Variants in ME3 observed in about 807,000 individuals in gnomAD.
The protein encoded by ME3 is NADP-dependent malic enzyme, mitochondrial.
Under a neutral mutation model 68.9 loss-of-function variants are expected in ME3, and 48 were observed. That is an observed-to-expected ratio of 0.70 (90% CI 0.55 to 0.89). The LOEUF is 0.89. Among genes scored for constraint, ME3 ranks in the 40% least tolerant of loss-of-function variants. The probability of loss-of-function intolerance (pLI) is 0.00; values close to 1 mark genes in which losing one functional copy is unlikely to be tolerated. For synonymous variants in ME3, 320 were observed against 318.8 expected (o/e 1.00, Z -0.04); for missense variants, 675 against 797.4 (o/e 0.85, Z 1.85).
chr11:86,493,109 A>G (rs1018819890), intron 6 of ME3, among the ~76,000 whole-genome samples: 3 of 152,174 alleles, frequency 2.0e-5, no homozygotes, highest in African/African-American at 7.2e-5. Flanking sequence ...CCACATGGTG[A>G]ATGCTGAATA....
chr11:86,529,016 C>T (rs1247488478), intron 4 of ME3, among the ~76,000 whole-genome samples: 2 of 152,008 alleles, frequency 1.3e-5, no homozygotes, highest in African/African-American at 2.4e-5. Flanking sequence ...CAGAGCTGAA[C>T]TGAAGGAGAG....
intron 4 of ME3, among the ~76,000 whole-genome samples, chr11:86,534,989 T>G (rs1955548941): frequency 6.6e-6 from 1 of 152,172 alleles, no homozygotes. Context: ...TGGAGTCTAA[T>G]TTTTCATAAG....
chr11:86,654,235 A>C (rs1306689897), intron 2 of ME3, among the ~76,000 whole-genome samples: 2 of 152,246 alleles, frequency 1.3e-5, no homozygotes, highest in Non-Finnish European at 2.9e-5. Context: ...AATCCTCCCT[A>C]ACTCATTTTA....
At chr11:86,630,359 T>TG (rs1250277442) in intron 2 of ME3, among the ~76,000 whole-genome samples, 5 of 152,144 alleles carry the variant, frequency 3.3e-5, no homozygotes, top group Admixed American at 2.6e-4. Context: ...GTGACATATC[T>TG]GGGGGCCTGA....
At chr11:86,637,834 ATG>A (rs1465266875) in intron 2 of ME3, among the ~76,000 whole-genome samples, 1 of 152,130 alleles carries the variant, frequency 6.6e-6, no homozygotes, top group African/African-American at 2.4e-5. Context: ...AAATGTCCAG[ATG>A]ACATCCTGAA....
chr11:86,651,300 A>T (rs1945406817), intron 2 of ME3, among the ~76,000 whole-genome samples: 1 of 152,224 alleles, frequency 6.6e-6, no homozygotes, highest in Admixed American at 6.5e-5. Flanking sequence ...TGCCTCCTCA[A>T]GTGGGTCCCT....
intron 4 of ME3, among the ~76,000 whole-genome samples, chr11:86,553,249 C>T (rs940637945): frequency 3.9e-5 from 6 of 152,224 alleles, no homozygotes; most frequent in Admixed American, 1.3e-4. Flanking sequence ...TGCAGAGCCC[C>T]AGGCAGGTTG....
At chr11:86,450,458 A>T in intron 8 of ME3, 60 bp from the exon 9 acceptor site, 2 of 1,441,572 alleles carry the variant, frequency 1.4e-6, no homozygotes, top group Non-Finnish European at 1.9e-6. Flanking sequence ...CCAAGAGAAG[A>T]CCCTTGGCAG....
chr11:86,478,324 C>CAAAAAAAA (rs57349808), intron 7 of ME3, among the ~76,000 whole-genome samples: 7 of 62,894 alleles, frequency 1.1e-4, no homozygotes, highest in Admixed American at 2.0e-4. Context: ...GCCTAAGGAC[C>CAAAAAAAA]AAAAAAAAAA....
At chr11:86,541,174 C>T (rs1237695777) in intron 4 of ME3, among the ~76,000 whole-genome samples, 2 of 152,230 alleles carry the variant, frequency 1.3e-5, no homozygotes, top group African/African-American at 4.8e-5. Flanking sequence ...GGTGCCTACA[C>T]CACCAGAGCC....
At chr11:86,666,526 A>C (rs545133768) in intron 2 of ME3, among the ~76,000 whole-genome samples, 18 of 152,370 alleles carry the variant, frequency 1.2e-4, no homozygotes, top group Non-Finnish European at 2.4e-4. Flanking sequence ...TCTAAAAACA[A>C]AGCCCCAATA....
chr11:86,664,834 A>G (rs924377117), intron 2 of ME3, among the ~76,000 whole-genome samples: 3 of 152,180 alleles, frequency 2.0e-5, no homozygotes, highest in Non-Finnish European at 2.9e-5. Context: ...TGTCTTCTGA[A>G]TAGGACCTCC....
intron 2 of ME3, among the ~76,000 whole-genome samples, chr11:86,591,322 G>A (rs1395404987): frequency 6.6e-6 from 1 of 152,202 alleles, no homozygotes; most frequent in African/African-American, 2.4e-5. Context: ...ATGAGATGAA[G>A]TGCTTGCCCC....
At chr11:86,642,263 G>C (rs777442530) in intron 2 of ME3, among the ~76,000 whole-genome samples, 8 of 152,142 alleles carry the variant, frequency 5.3e-5, no homozygotes, top group South Asian at 2.1e-4. Flanking sequence ...ATGGGACTAA[G>C]AAAAAGAAGG....
intron 2 of ME3, among the ~76,000 whole-genome samples, chr11:86,635,555 T>A (rs1345855266): frequency 6.6e-6 from 1 of 152,180 alleles, no homozygotes; most frequent in Non-Finnish European, 1.5e-5. Flanking sequence ...TAAGAGATGA[T>A]GAGAGCCCTC....
intron 2 of ME3, among the ~76,000 whole-genome samples, chr11:86,645,440 C>G (rs532952014): frequency 6.6e-6 from 1 of 152,296 alleles, no homozygotes; most frequent in South Asian, 2.1e-4. Flanking sequence ...GTAAACAAAG[C>G]CACCAGGAAG....
At chr11:86,511,956 C>T (rs1429955675) in intron 4 of ME3, among the ~76,000 whole-genome samples, 2 of 152,002 alleles carry the variant, frequency 1.3e-5, no homozygotes, top group African/African-American at 2.4e-5. Flanking sequence ...GAACCATTTT[C>T]CACACTCTTA....
intron 6 of ME3, among the ~76,000 whole-genome samples, chr11:86,490,823 G>A (rs780234941): frequency 1.3e-5 from 2 of 152,282 alleles, no homozygotes; most frequent in East Asian, 3.9e-4. Context: ...TTGAATCTTA[G>A]TGCATCAAGC....
intron 2 of ME3, among the ~76,000 whole-genome samples, chr11:86,608,031 T>C (rs973857261): frequency 1.3e-5 from 2 of 152,094 alleles, no homozygotes; most frequent in Non-Finnish European, 2.9e-5. Flanking sequence ...AGAAAGTAAA[T>C]ACATTTTATT....
Sources: allele counts gnomAD v4.1 joint callset (sites outside exome capture counted in the v4.1 genomes callset), GRCh38; gene constraint gnomAD v4.1.1; transcripts MANE v1.5; gene names NCBI Gene and HGNC (gene_info 2026-07-23, HGNC 2026-07-21).